The following YJU2B variants were observed in gnomAD, a reference collection of about 807,000 sequenced individuals.
YJU2B encodes the protein YJU2 splicing factor homolog B, also known as probable splicing factor YJU2B.
YJU2B carries 18 observed loss-of-function variants against 38.0 expected under a neutral mutation model. That is an observed-to-expected ratio of 0.47 (90% CI 0.33 to 0.70). The LOEUF (loss-of-function observed/expected upper bound fraction) is 0.70. Among genes scored for constraint, YJU2B ranks in the 30% least tolerant of loss-of-function variants. YJU2B has a pLI of 0.02. For missense variants in YJU2B, 538 were observed against 556.3 expected, an observed-to-expected ratio of 0.97 and a Z score of 0.33; for synonymous variants, 246 against 225.4, an observed-to-expected ratio of 1.09 and a Z score of -0.82.
At chr19:13,733,721 C>CA (rs1231054528) in intron 2 of YJU2B, among the ~76,000 whole-genome samples, 2 of 151,768 alleles carry the variant, frequency 1.3e-5, no homozygotes, top group Non-Finnish European at 2.9e-5. Flanking sequence ...AACTCCATCT[C>CA]AAAAAAACAA....
chr19:13,738,617 C>T (rs1047092137), intron 2 of YJU2B, among the ~76,000 whole-genome samples: 2 of 152,008 alleles, frequency 1.3e-5, no homozygotes, highest in South Asian at 2.1e-4. Context: ...AAAAGCCGGG[C>T]GTGGTGGCTC....
intron 1 of YJU2B, 144 bp downstream of exon 1, chr19:13,748,098 TC>T (rs1411530812): frequency 1.3e-4 from 19 of 151,930 alleles, no homozygotes; most frequent in Non-Finnish European, 2.2e-4. Context: ...CCGGCCCAGG[TC>T]CCAGCCAGGA....
At chr19:13,745,489 C>G (rs956533388), upstream of YJU2B, among the ~76,000 whole-genome samples, 3 of 151,790 alleles carry the variant, frequency 2.0e-5, no homozygotes, top group African/African-American at 7.3e-5. Flanking sequence ...GTGGAGAAAC[C>G]CCGTCTCTAC....
chr19:13,757,881 G>A (rs1422014582), intron 6 of YJU2B, 35 bp downstream of exon 6: 1 of 1,591,578 alleles, frequency 6.3e-7, no homozygotes, highest in Non-Finnish European at 8.6e-7. Context: ...GGGAACAGGT[G>A]GGGTGGCCAC....
upstream of YJU2B, among the ~76,000 whole-genome samples, chr19:13,743,204 A>G (rs1973139261): frequency 6.6e-6 from 1 of 152,030 alleles, no homozygotes; most frequent in Non-Finnish European, 1.5e-5. Context: ...AAAATCATAA[A>G]TCAATGCATG....
chr19:13,759,209 G>C lies in YJU2B; in HGVS notation c.510G>C (p.Gln170His). Reference sequence around the variant, plus strand: ...CGCTGCCCACACTGAGCCACATCCAGGAGGCCCAGAGCGCCTGGAAGGACG... The same window carrying C: ...CGCTGCCCACACTGAGCCACATCCACGAGGCCCAGAGCGCCTGGAAGGACG... ...KKALPTLSHI[Q>H]EAQSAWKDDF... Residue 170 changes from glutamine to histidine, a missense_variant, in exon 8 of 10, where the codon CAG (glutamine) becomes CAC (histidine). Physicochemically the swap from Gln to His is conservative, Grantham distance 24. Around this residue, in one of 2 missense-constraint regions of YJU2B, gnomAD observed 488 missense variants for 469.5 expected, o/e 1.04. Coordinates refer to ENST00000221554, the MANE Select transcript of YJU2B (RefSeq NM_030818.4). 5 of 1,613,564 alleles carry C rather than the reference G, an allele frequency of 3.1e-6. No individual in the cohort carries two copies. Among genetic ancestry groups the C allele is most frequent in the Non-Finnish European group, 4.2e-6 (5 of 1,179,812 alleles).
upstream of YJU2B, among the ~76,000 whole-genome samples, chr19:13,745,744 GATATAT>G (rs1187936353): frequency 2.6e-4 from 21 of 80,906 alleles, no homozygotes; most frequent in East Asian, 3.5e-4. Flanking sequence ...TATATATATA[GATATAT>G]ATATATATCA....
chr19:13,745,690 GAT>G (rs3981328), upstream of YJU2B, among the ~76,000 whole-genome samples: 17,725 of 88,838 alleles, frequency 0.2, 1,435 homozygotes, highest in Middle Eastern at 0.31. Flanking sequence ...TAGATAGATA[GAT>G]ATAGATATAT....
chr19:13,750,716 G>A (rs1208368068), intron 1 of YJU2B, among the ~76,000 whole-genome samples: 1 of 151,998 alleles, frequency 6.6e-6, no homozygotes, highest in Non-Finnish European at 1.5e-5. Flanking sequence ...AAAAAAATTA[G>A]CCAGGCTTGG....
At chr19:13,753,147 C>G (rs1280720231) in intron 2 of YJU2B, among the ~76,000 whole-genome samples, 3 of 152,178 alleles carry the variant, frequency 2.0e-5, no homozygotes, top group Admixed American at 2.0e-4. Flanking sequence ...CTTCCCCAAT[C>G]AGACACTGAG....
At chr19:13,749,557 C>CT (rs1973375691) in intron 1 of YJU2B, among the ~76,000 whole-genome samples, 1 of 151,664 alleles carries the variant, frequency 6.6e-6, no homozygotes, top group African/African-American at 2.4e-5. Context: ...GACAGAGAAA[C>CT]TTTGCCAATC....
intron 2 of YJU2B, among the ~76,000 whole-genome samples, chr19:13,735,598 G>C (rs1246709041): frequency 6.6e-6 from 1 of 150,740 alleles, no homozygotes; most frequent in Non-Finnish European, 1.5e-5. Context: ...GCTCTTCCAA[G>C]CTGTTGTTAC....
intron 2 of YJU2B, 34 bp downstream of exon 2, chr19:13,751,845 C>G (rs372295607): frequency 6.2e-7 from 1 of 1,612,374 alleles, no homozygotes; most frequent in Non-Finnish European, 8.5e-7. Flanking sequence ...CTGGGTTTCT[C>G]TCCCAGTCTT....
At chr19:13,745,737 A>C (rs916775678), upstream of YJU2B, among the ~76,000 whole-genome samples, 2,390 of 93,074 alleles carry the variant, frequency 0.026, 84 homozygotes, top group African/African-American at 0.074. Flanking sequence ...CTATATATAT[A>C]TATATAGATA....
chr19:13,759,152 T>C lies in YJU2B; in HGVS notation c.453T>C (p.His151=), dbSNP rs1446833638. 2 of 1,613,682 alleles carry C rather than the reference T, an allele frequency of 1.2e-6. No homozygotes were observed. Among genetic ancestry groups the C allele is most frequent in the Middle Eastern group, 3.3e-4 (2 of 6,062 alleles). ...LETDAMFRLE[H]GEADRSTLKK... is the part of the protein sequence containing the mutation. The stretch of plus-strand genomic sequence containing the variant: ...CGGACGCCATGTTCCGGCTGGAGCA[T>C]GGCGAGGCCGACCGCAGCACACTCA... The change falls in exon 8 of 10, where the codon CAT becomes CAC. Residue 151 remains histidine, a synonymous_variant. Coordinates refer to ENST00000221554, the MANE Select transcript of YJU2B (RefSeq NM_030818.4).
rs765545650 is a variant in YJU2B at position 13,762,905 on chromosome 19, C to A, written c.1028C>A (p.Thr343Asn). 10 of 1,611,670 alleles carry A rather than the reference C, an allele frequency of 6.2e-6. No homozygotes were observed. The African/African-American group carries it at 8.0e-5, about 13-fold the overall frequency. The stretch of plus-strand genomic sequence containing the variant: ...GACTGTCCTCCGGAAACAACTGAGA[C>A]CCCCAAGTGCAGCAGCCCGAGGGGG... ...PGDCPPETTE[T>N]PKCSSPRGQE... The change falls in exon 10 of 10, where the codon ACC (threonine) becomes AAC (asparagine). Residue 343 changes from threonine to asparagine, a missense_variant. Transcript: ENST00000221554.
intron 1 of YJU2B, among the ~76,000 whole-genome samples, chr19:13,749,636 T>C (rs1023044311): frequency 7.4e-5 from 11 of 149,168 alleles, no homozygotes; most frequent in African/African-American, 2.5e-4. Flanking sequence ...TTCTTTCTTT[T>C]TTTTTTTTTT....
intron 8 of YJU2B, 29 bp from the exon 9 acceptor site, chr19:13,762,270 A>G (rs541955707): frequency 3.1e-6 from 5 of 1,610,306 alleles, no homozygotes; most frequent in Admixed American, 1.7e-5. Context: ...GACACCCCCT[A>G]TCTCTGGTGT....
In YJU2B at chr19:13,750,572, CA is replaced by C. The variant is rs571761618; in HGVS notation, c.-201-1035del. 1.9e-4 allele frequency among the ~76,000 whole-genome samples: 29 copies of C among 152,166 alleles called. 2 individuals are homozygous for C. The South Asian group carries it at 5.6e-3, about 29-fold the overall frequency. ...ATGATATGTAGGTCAAGACCTGTGA[CA>C]GGGGGCTGGGTGCAGTGGCTTGTGC... On this transcript the variant is annotated intron_variant, in intron 1 of 9. Coordinates refer to ENST00000221554, the MANE Select transcript of YJU2B (RefSeq NM_030818.4).
Sources: allele counts gnomAD v4.1 joint callset (sites outside exome capture counted in the v4.1 genomes callset), GRCh38; gene constraint gnomAD v4.1.1; regional missense constraint gnomAD v4.1.1; transcripts MANE v1.5; gene names NCBI Gene and HGNC (gene_info 2026-07-23, HGNC 2026-07-21).